PKD1L1: variants seen among roughly 807,000 people sequenced by gnomAD.
PKD1L1 encodes the protein polycystin-1-like protein 1.
PKD1L1 carries 236 observed loss-of-function variants against 323.4 expected under a neutral mutation model. That is an observed-to-expected ratio of 0.73 (90% CI 0.66 to 0.81). PKD1L1 has a LOEUF of 0.81. PKD1L1 is among the 40% of genes least tolerant of loss of function. The pLI is 0.00. For missense variants in PKD1L1, 3,320 were observed against 3,508.0 expected (o/e 0.95, Z 1.35); for synonymous variants, 1,344 against 1,335.0 (o/e 1.01, Z -0.15).
At position 47,903,052 on chromosome 7, in the gene PKD1L1, T is replaced by C. The variant is rs538082321; in HGVS notation, c.1932-541A>G. Among the ~76,000 whole-genome samples, 281 of 152,256 alleles carry C rather than the reference T, an allele frequency of 1.8e-3. 1 individual carries two copies. Among genetic ancestry groups the C allele is most frequent in the Non-Finnish European group, 2.3e-3 (156 of 68,016 alleles). On this transcript the variant is annotated intron_variant, in intron 12 of 56. Transcript: ENST00000289672. ...GGGTAAGGGGAGCATGTCACAGCTG[T>C]GGAGAGATTCAGGACAGTTGGAGGT...
At position 47,931,305 on chromosome 7, in the gene PKD1L1, G is replaced by C. The variant is rs1440563501; in HGVS notation, c.536C>G (p.Ser179Cys). Residue 179 changes from serine (S) to cysteine (C), a missense_variant, in exon 6 of 57, where the codon TCT (serine) becomes TGT (cysteine). Coordinates refer to ENST00000289672, the MANE Select transcript of PKD1L1 (RefSeq NM_138295.5). The stretch of plus-strand genomic sequence containing the variant: ...CTTCAGGCTGCAGGGAGCTGCTGCA[G>C]AAGTGGTGCCCTGGAGCTTAAAAGT... The part of the protein sequence containing the change: ...SALLQLQGTT[S>C]AAAPCSLKME... 1.2e-6 allele frequency: 2 copies of C among 1,614,268 alleles called. No homozygotes were observed. The highest frequency in any genetic ancestry group is 1.7e-6 in the Non-Finnish European group (2 of 1,180,056).
At position 47,908,153 on chromosome 7, in the gene PKD1L1, C is replaced by T; in HGVS notation, c.1326G>A (p.Val442=). ...PYYVEIGHEA[V]SAFMNSSSVH... is the part of the protein sequence containing the mutation. The stretch of plus-strand genomic sequence containing the variant: ...CACTGCTGGAGTTCATGAACGCAGA[C>T]ACGGCCTCATGGCCAATCTCCACAT... The change falls in exon 9 of 57, where the codon GTG becomes GTA. Residue 442 remains valine, a synonymous_variant. Coordinates refer to ENST00000289672, the MANE Select transcript of PKD1L1 (RefSeq NM_138295.5). The T allele has an allele frequency of 6.2e-7, 1 of 1,614,224 alleles. No individual in the cohort carries two copies. The highest frequency in any genetic ancestry group is 1.1e-5 in the South Asian group (1 of 91,086).
rs779162487 is a variant in PKD1L1, at chr7:47,904,545, C to A, written c.1764G>T (p.Gln588His). 3 of 1,614,166 alleles carry A rather than the reference C, an allele frequency of 1.9e-6. No individual in the cohort carries two copies. In the South Asian group the frequency reaches 3.3e-5, roughly 18 times the overall value. Residue 588 changes from glutamine to histidine, a missense_variant, in exon 12 of 57, where the codon CAG becomes CAT. Coordinates refer to ENST00000289672, the MANE Select transcript of PKD1L1 (RefSeq NM_138295.5). ...VVSEPHVIRV[Q>H]KKIVANRLTS... ...TGAGCCGATTGGCCACAATTTTCTTCTGCACCCTGATGACATGGGGCTCAG... is the reference window on the plus strand; with the variant it reads ...TGAGCCGATTGGCCACAATTTTCTTATGCACCCTGATGACATGGGGCTCAG...
intron 4 of PKD1L1, among the ~76,000 whole-genome samples, chr7:47,935,945 G>C (rs545977454): frequency 2.0e-5 from 3 of 152,312 alleles, no homozygotes; most frequent in Admixed American, 2.0e-4. Flanking sequence ...CAGTGGAACT[G>C]AATAATAACG....
At chr7:47,787,468 C>T (rs1284512844) in intron 56 of PKD1L1, among the ~76,000 whole-genome samples, 2 of 152,174 alleles carry the variant, frequency 1.3e-5, no homozygotes, top group East Asian at 3.8e-4. Flanking sequence ...ACAGCACCTA[C>T]AAGCCTCCAC....
At chr7:47,955,604 G>A in the PKD1L1 span, among the ~76,000 whole-genome samples, 1 of 152,000 alleles carries the variant, frequency 6.6e-6, no homozygotes, top group South Asian at 2.1e-4. Context: ...TATTTTTAGA[G>A]CATATCAAAC....
chr7:47,868,953 T>C (rs1786225291), intron 24 of PKD1L1, among the ~76,000 whole-genome samples: 1 of 152,118 alleles, frequency 6.6e-6, no homozygotes, highest in African/African-American at 2.4e-5. Flanking sequence ...CACTGATAGA[T>C]GTAACATACA....
chr7:47,833,240 C>A lies in PKD1L1; in HGVS notation c.6187G>T (p.Ala2063Ser). ...GCCCTGCCACTCCCAGAGAGAATGG[C>A]TGATGCAGGTTGCTAGAATGACAAG... is the stretch of plus-strand genomic sequence containing the variant. ...AQEPRKQPAS[A>S]ILSGSGRAQR... The change falls in exon 41 of 57, where the codon GCC becomes TCC. Residue 2063 changes from alanine to serine, a missense_variant. By Grantham distance (99) the Ala-to-Ser change is moderately conservative (BLOSUM62 1). Transcript: ENST00000289672. The A allele has an allele frequency of 6.2e-7, 1 of 1,612,804 alleles. No homozygotes were observed. The highest frequency in any genetic ancestry group is 8.5e-7 in the Non-Finnish European group (1 of 1,179,366).
chr7:47,873,239 C>G (rs1053272310), intron 24 of PKD1L1, among the ~76,000 whole-genome samples: 1 of 152,112 alleles, frequency 6.6e-6, no homozygotes, highest in Non-Finnish European at 1.5e-5. Flanking sequence ...TTGTCTAAAA[C>G]TAGCTTATGG....
chr7:47,935,874 G>A (rs1353472915), intron 4 of PKD1L1, among the ~76,000 whole-genome samples: 1 of 152,226 alleles, frequency 6.6e-6, no homozygotes, highest in African/African-American at 2.4e-5. Context: ...AACATTGATG[G>A]GCCACTACCA....
intron 27 of PKD1L1, among the ~76,000 whole-genome samples, chr7:47,858,125 G>A (rs1042195328): frequency 1.3e-5 from 2 of 152,206 alleles, no homozygotes; most frequent in African/African-American, 4.8e-5. Flanking sequence ...CAGGACTGGA[G>A]AGGGATGCTA....
At chr7:47,884,513 G>C (rs1174503245) in intron 19 of PKD1L1, 85 bp downstream of exon 19, 3 of 1,236,684 alleles carry the variant, frequency 2.4e-6, no homozygotes, top group Non-Finnish European at 3.6e-6. Flanking sequence ...GGCTGTGTAA[G>C]GGAACAGGTG....
chr7:47,887,767 G>T (rs372888324), intron 17 of PKD1L1, among the ~76,000 whole-genome samples: 3 of 152,312 alleles, frequency 2.0e-5, no homozygotes, highest in South Asian at 4.1e-4. Context: ...ATCACACTGA[G>T]GTCAGAAGCA....
chr7:47,792,706 T>C lies in PKD1L1; in HGVS notation c.8447A>G (p.Glu2816Gly). The C allele has an allele frequency of 6.2e-7, 1 of 1,614,170 alleles. No homozygotes were observed. ...LSDSLQLPLL[E>G]KTSNNTGEAR... ...CTCCCCTGTGTTGTTGGATGTTTTT[T>C]CCAGAAGGGGGAGTTGTAGGCTGTC... The change falls in exon 56 of 57, where the codon GAA becomes GGA. Residue 2816 changes from glutamate (E) to glycine (G), a missense_variant. Glu to Gly is a moderately conservative substitution (Grantham distance 98). Transcript: ENST00000289672.
In PKD1L1 at chr7:47,811,914, A is replaced by T; in HGVS notation, c.7484T>A (p.Ile2495Asn). Residue 2495 changes from isoleucine (I) to asparagine (N), a missense_variant, in exon 50 of 57, where the codon ATC (isoleucine) becomes AAC (asparagine). Coordinates refer to ENST00000289672, the MANE Select transcript of PKD1L1 (RefSeq NM_138295.5). ...GGGGACGAGACTCCCCGTAGGGAGGATCTCCACTCTCAGGGACACGCTGGT... is the reference window on the plus strand; with the variant it reads ...GGGGACGAGACTCCCCGTAGGGAGGTTCTCCACTCTCAGGGACACGCTGGT... ...LFTSVSLRVEILPTGSLVPSS... is the reference protein window; with the variant it reads ...LFTSVSLRVENLPTGSLVPSS... The T allele has an allele frequency of 6.2e-7, 1 of 1,610,142 alleles. No homozygotes were observed.
rs534474275 is a variant in PKD1L1 at position 47,915,093 on chromosome 7, T to G, written c.1228+339A>C. ...CCACATGACATGTGAAAATTTTAAA[T>G]GTAAATAATAACTAATTTAGCATCT... On this transcript the variant is annotated intron_variant, in intron 8 of 56. Coordinates refer to ENST00000289672, the MANE Select transcript of PKD1L1 (RefSeq NM_138295.5). Among the ~76,000 whole-genome samples the G allele has an allele frequency of 3.9e-5, 6 of 152,372 alleles. No individual in the cohort carries two copies. In the South Asian group the frequency reaches 1.0e-3, roughly 26 times the overall value.
chr7:47,908,300 A>G, intron 8 of PKD1L1, 50 bp from the exon 9 acceptor site: 3 of 1,531,126 alleles, frequency 2.0e-6, no homozygotes, highest in Non-Finnish European at 2.7e-6. Context: ...AATAACAAGC[A>G]TAACAGTTAA....
chr7:47,929,916 T>C (rs1787732163), intron 6 of PKD1L1, among the ~76,000 whole-genome samples: 1 of 152,234 alleles, frequency 6.6e-6, no homozygotes, highest in Non-Finnish European at 1.5e-5. Context: ...CACAAGTCAC[T>C]ACTTCCTGTG....
chr7:47,795,926 C>T lies in PKD1L1; in HGVS notation c.8355+63G>A, dbSNP rs954894230. 1.3e-5 allele frequency: 20 copies of T among 1,544,160 alleles called. No individual in the cohort carries two copies. In the Admixed American group the frequency reaches 4.2e-4, roughly 33 times the overall value. On this transcript the variant is annotated intron_variant, in intron 55 of 56. Transcript: ENST00000289672. ...TTTGATAACTGAAAGCAAAATTCTG[C>T]AATGAAACCATCATCTTGAGTGTGT...
Sources: allele counts gnomAD v4.1 joint callset (sites outside exome capture counted in the v4.1 genomes callset), GRCh38; gene constraint gnomAD v4.1.1; transcripts MANE v1.5; gene names NCBI Gene and HGNC (gene_info 2026-07-23, HGNC 2026-07-21).